The following MRPS27 variants were observed in gnomAD, a reference collection of about 807,000 sequenced individuals.
MRPS27 encodes mitochondrial ribosomal protein S27, also known as small ribosomal subunit protein mS27.
MRPS27 carries 43 observed loss-of-function variants against 48.9 expected under a neutral mutation model. The observed-to-expected ratio is 0.88, with a 90% CI of 0.69 to 1.13. The LOEUF is 1.13. Ranked by LOEUF, MRPS27 falls within the 50% of genes most tolerant of loss-of-function variation. MRPS27 has a pLI of 0.00. For missense variants in MRPS27, 467 were observed against 476.3 expected (o/e 0.98, Z 0.18); for synonymous variants, 188 against 171.9 (o/e 1.09, Z -0.73).
At chr5:72,315,792 G>A (rs1044847957) in intron 1 of MRPS27, among the ~76,000 whole-genome samples, 6 of 152,150 alleles carry the variant, frequency 3.9e-5, no homozygotes, top group Admixed American at 6.5e-5. Flanking sequence ...ACATAAAACA[G>A]TGCAGCTGCT....
chr5:72,294,306 A>C (rs1580106966), intron 4 of MRPS27, among the ~76,000 whole-genome samples: 1 of 151,880 alleles, frequency 6.6e-6, no homozygotes, highest in South Asian at 2.1e-4. Flanking sequence ...TCCCCAAAAA[A>C]CCCCCCAAAA....
At chr5:72,274,348 T>C (rs937324150) in intron 4 of MRPS27, among the ~76,000 whole-genome samples, 3 of 152,182 alleles carry the variant, frequency 2.0e-5, no homozygotes, top group African/African-American at 7.2e-5. Flanking sequence ...AGTGAGACTC[T>C]GTCTCAAAAA....
intron 2 of MRPS27, among the ~76,000 whole-genome samples, chr5:72,302,911 G>A (rs1580113694): frequency 2.0e-5 from 3 of 152,132 alleles, no homozygotes; most frequent in African/African-American, 4.8e-5. Context: ...GTAAACAACC[G>A]GGACACTTGT....
At chr5:72,301,146 CTCT>C (rs1387382045) in intron 2 of MRPS27, among the ~76,000 whole-genome samples, 1 of 152,186 alleles carries the variant, frequency 6.6e-6, no homozygotes, top group Non-Finnish European at 1.5e-5. Context: ...ATTTTTTCCT[CTCT>C]TTTTTCCCTG....
intron 2 of MRPS27, among the ~76,000 whole-genome samples, chr5:72,298,711 T>G (rs1381091776): frequency 1.8e-5 from 1 of 56,350 alleles, no homozygotes; most frequent in Non-Finnish European, 3.3e-5. Flanking sequence ...AGACTCCGTC[T>G]CAAAAAAAAA....
At chr5:72,228,214 T>C (rs760727934) in intron 8 of MRPS27, 52 bp downstream of exon 8, 1 of 1,383,922 alleles carries the variant, frequency 7.2e-7, no homozygotes, top group Non-Finnish European at 1.0e-6. Context: ...ACTGGAAGAA[T>C]GCAACAATTC....
intron 4 of MRPS27, among the ~76,000 whole-genome samples, chr5:72,284,191 T>C (rs1366247969): frequency 2.0e-5 from 3 of 151,384 alleles, no homozygotes; most frequent in South Asian, 4.2e-4. Context: ...GGCAGGTGGA[T>C]TGCTTGAGTC....
intron 4 of MRPS27, among the ~76,000 whole-genome samples, chr5:72,260,539 A>G (rs949486509): frequency 6.6e-6 from 1 of 152,242 alleles, no homozygotes; most frequent in African/African-American, 2.4e-5. Flanking sequence ...AACATGTAAC[A>G]TAGAAAAGTT....
At chr5:72,259,106 A>G (rs943493276) in intron 4 of MRPS27, among the ~76,000 whole-genome samples, 4 of 152,144 alleles carry the variant, frequency 2.6e-5, no homozygotes, top group African/African-American at 9.7e-5. Flanking sequence ...CCATCCAGAA[A>G]ACTCCATGGT....
At chr5:72,227,261 G>C (rs1485105759) in intron 8 of MRPS27, 1 of 152,200 alleles carries the variant, frequency 6.6e-6, no homozygotes, top group African/African-American at 2.4e-5. Flanking sequence ...CTGTATGACA[G>C]TCCTGAATGC....
intron 4 of MRPS27, among the ~76,000 whole-genome samples, chr5:72,282,750 C>T (rs1307639823): frequency 6.6e-6 from 1 of 152,176 alleles, no homozygotes; most frequent in Non-Finnish European, 1.5e-5. Flanking sequence ...AATTAGTTAC[C>T]TAGAGGATAA....
intron 4 of MRPS27, among the ~76,000 whole-genome samples, chr5:72,262,556 C>G (rs928103228): frequency 1.3e-5 from 2 of 151,850 alleles, no homozygotes; most frequent in African/African-American, 4.8e-5. Flanking sequence ...TGTTGGACAC[C>G]CCATTAAAGG....
Position 72,299,664 on chromosome 5 carries a change from T to C in MRPS27, c.152-1962A>G, listed in dbSNP as rs116492004. Among the ~76,000 whole-genome samples, 575 of 152,382 alleles carry C rather than the reference T, an allele frequency of 3.8e-3. 1 individual carries two copies. Among genetic ancestry groups the C allele is most frequent in the African/African-American group, 0.013 (551 of 41,602 alleles). ...GAATGATTCCTATTTTGGTTCCTTC[T>C]AGCAGAACATCCATAGGAATATTTG... On this transcript the variant is annotated intron_variant, in intron 2 of 10. Transcript: ENST00000261413.
At chr5:72,283,157 C>T (rs1749575498) in intron 4 of MRPS27, among the ~76,000 whole-genome samples, 1 of 152,162 alleles carries the variant, frequency 6.6e-6, no homozygotes, top group Non-Finnish European at 1.5e-5. Context: ...TTCAAAGCTA[C>T]AGATCAAAGT....
At chr5:72,226,423 T>C (rs1228970980) in intron 8 of MRPS27, among the ~76,000 whole-genome samples, 3 of 152,206 alleles carry the variant, frequency 2.0e-5, no homozygotes, top group African/African-American at 7.2e-5. Context: ...CAAAATTACA[T>C]GAACTTAGTT....
chr5:72,293,438 C>CA (rs1446651768), intron 4 of MRPS27, among the ~76,000 whole-genome samples: 3 of 152,104 alleles, frequency 2.0e-5, no homozygotes, highest in Non-Finnish European at 4.4e-5. Flanking sequence ...AACAGTGGCT[C>CA]AGATTTATGA....
intron 5 of MRPS27, among the ~76,000 whole-genome samples, chr5:72,235,704 T>C (rs1025728): frequency 0.99 from 151,099 of 152,266 alleles, 74,976 homozygotes; most frequent in Middle Eastern, 1. Flanking sequence ...AAGTTAAAGA[T>C]ACTGAAAATG....
intron 8 of MRPS27, 167 bp downstream of exon 8, chr5:72,228,099 C>CT (rs1465909460): frequency 1.6e-6 from 1 of 637,588 alleles, no homozygotes; most frequent in African/African-American, 1.8e-5. Flanking sequence ...TCTTTACTCT[C>CT]TTATGGAGTA....
chr5:72,305,135 T>C lies in MRPS27; in HGVS notation c.152-7433A>G, dbSNP rs527645517. 8.5e-5 allele frequency among the ~76,000 whole-genome samples: 13 copies of C among 152,294 alleles called. No homozygotes were observed. The East Asian group carries it at 1.7e-3, about 20-fold the overall frequency. On this transcript the variant is annotated intron_variant, in intron 2 of 10. Coordinates refer to ENST00000261413, the MANE Select transcript of MRPS27 (RefSeq NM_015084.3). Reference sequence around the variant, plus strand: ...CTTCTATTTGTCTGTCACCAGAAGCTTTAACATAAATAAATCCAATAAAGG... The same window carrying C: ...CTTCTATTTGTCTGTCACCAGAAGCCTTAACATAAATAAATCCAATAAAGG...
Sources: allele counts gnomAD v4.1 joint callset (sites outside exome capture counted in the v4.1 genomes callset), GRCh38; gene constraint gnomAD v4.1.1; transcripts MANE v1.5; gene names NCBI Gene and HGNC (gene_info 2026-07-23, HGNC 2026-07-21).